Variants in PKN2 observed in about 807,000 individuals in gnomAD.
PKN2 encodes the protein serine/threonine-protein kinase N2.
Under a neutral mutation model 119.1 loss-of-function variants are expected in PKN2, and 38 were observed. The observed-to-expected ratio is 0.32, with a 90% confidence interval of 0.25 to 0.42. The LOEUF (loss-of-function observed/expected upper bound fraction) is 0.42. Among genes scored for constraint, PKN2 ranks in the 10% least tolerant of loss-of-function variants. PKN2 has a pLI of 1.00. For synonymous variants in PKN2, 390 were observed against 384.9 expected (o/e 1.01, Z -0.15); for missense variants, 850 against 1,165.1 (o/e 0.73, Z 3.94).
chr1:88,705,763 T>A (rs1398516443), intron 1 of PKN2, among the ~76,000 whole-genome samples: 1 of 152,098 alleles, frequency 6.6e-6, no homozygotes, highest in East Asian at 1.9e-4. Context: ...AGAAAATCAG[T>A]TGTTCATATA....
intron 2 of PKN2, among the ~76,000 whole-genome samples, chr1:88,751,433 T>A (rs569889191): frequency 1.3e-5 from 2 of 152,070 alleles, no homozygotes; most frequent in South Asian, 4.1e-4. Flanking sequence ...GAAGAGGAAT[T>A]CTGCCACTTG....
At position 88,808,996 on chromosome 1, in the gene PKN2, A is replaced by G. The variant is rs1017907260; in HGVS notation, c.2102+1221A>G. 2.0e-5 allele frequency among the ~76,000 whole-genome samples: 3 copies of G among 152,200 alleles called. 1 individual carries two copies. Among genetic ancestry groups the G allele is most frequent in the African/African-American group, 4.8e-5 (2 of 41,434 alleles). ...ACTTGCCTTAATGAGTTGTCTTGCT[A>G]TGTAGATATGCCAAATTGCAACTTT... On this transcript the variant is annotated intron_variant, in intron 15 of 21. Transcript: ENST00000370521.
At chr1:88,724,884 T>TTTTTG (rs1667836702) in intron 1 of PKN2, among the ~76,000 whole-genome samples, 1 of 135,994 alleles carries the variant, frequency 7.4e-6, no homozygotes, top group African/African-American at 2.8e-5. Context: ...ACCCCTTGGT[T>TTTTTG]TTTTTTTTTT....
chr1:88,832,610 G>GTTT (rs756649461), intron 19 of PKN2, 134 bp from the exon 20 acceptor site: 17 of 419,626 alleles, frequency 4.1e-5, no homozygotes, highest in Non-Finnish European at 5.9e-5. Context: ...TGGGTTTATT[G>GTTT]TTGTTGTTGT....
intron 8 of PKN2, among the ~76,000 whole-genome samples, chr1:88,794,227 C>T (rs1368462580): frequency 6.6e-6 from 1 of 152,084 alleles, no homozygotes; most frequent in East Asian, 1.9e-4. Context: ...ATTAGCCAGG[C>T]ATGGTGGCAC....
intron 10 of PKN2, 72 bp downstream of exon 10, chr1:88,804,993 A>G (rs901027281): frequency 8.3e-6 from 6 of 721,260 alleles, no homozygotes; most frequent in African/African-American, 3.7e-5. Flanking sequence ...TTAAAAAGTA[A>G]TAGCCATCTG....
chr1:88,734,887 T>C (rs1668276614), intron 1 of PKN2, among the ~76,000 whole-genome samples: 1 of 152,222 alleles, frequency 6.6e-6, no homozygotes, highest in South Asian at 2.1e-4. Flanking sequence ...CAAACTCTAC[T>C]TTTAACTCCA....
chr1:88,781,112 T>C (rs1670322959), intron 6 of PKN2: 3 of 1,256,446 alleles, frequency 2.4e-6, no homozygotes, highest in Middle Eastern at 2.2e-4. Flanking sequence ...GAAATACTAC[T>C]GACATTAATA....
At chr1:88,705,069 A>G (rs1467618712) in intron 1 of PKN2, among the ~76,000 whole-genome samples, 1 of 151,082 alleles carries the variant, frequency 6.6e-6, no homozygotes, top group African/African-American at 2.4e-5. Context: ...TGAATTTAAT[A>G]CCTTTATCAG....
At chr1:88,774,918 A>T (rs1203906517) in intron 6 of PKN2, among the ~76,000 whole-genome samples, 1 of 152,148 alleles carries the variant, frequency 6.6e-6, no homozygotes, top group Non-Finnish European at 1.5e-5. Flanking sequence ...TGTGTTGCTC[A>T]GGCTTGTCTC....
At chr1:88,714,145 CT>C (rs1461825491) in intron 1 of PKN2, among the ~76,000 whole-genome samples, 1 of 152,134 alleles carries the variant, frequency 6.6e-6, no homozygotes, top group African/African-American at 2.4e-5. Context: ...GTCTATATCT[CT>C]GTTTTGGTAC....
In PKN2 at chr1:88,751,670, A is replaced by G. The variant is rs575441011; in HGVS notation, c.350-8552A>G. ...CTTCAATTCCACAAATTAGATCTAA[A>G]CATTCTATACAGTCATTGTTGGTTT... On this transcript the variant is annotated intron_variant, in intron 2 of 21. Coordinates refer to ENST00000370521, the MANE Select transcript of PKN2 (RefSeq NM_006256.4). 3.3e-5 allele frequency among the ~76,000 whole-genome samples: 5 copies of G among 152,258 alleles called. No homozygotes were observed. The East Asian group carries it at 9.6e-4, about 29-fold the overall frequency.
At chr1:88,713,295 A>T (rs1381794967) in intron 1 of PKN2, among the ~76,000 whole-genome samples, 1 of 152,144 alleles carries the variant, frequency 6.6e-6, no homozygotes, top group East Asian at 1.9e-4. Flanking sequence ...TACCCAGTTA[A>T]TGGGATTGCT....
intron 1 of PKN2, among the ~76,000 whole-genome samples, chr1:88,731,650 G>C (rs1668146418): frequency 6.6e-6 from 1 of 152,150 alleles, no homozygotes; most frequent in African/African-American, 2.4e-5. Context: ...ATGAATCATT[G>C]TATCCAGTGA....
In PKN2 at chr1:88,832,753, C is replaced by T; in HGVS notation, c.2572C>T (p.Pro858Ser). The change falls in exon 20 of 22, where the codon CCT (proline) becomes TCT (serine). Residue 858 changes from proline (P) to serine (S), a missense_variant. Physicochemically the swap from Pro to Ser is moderately conservative, Grantham distance 74. Around this residue, in one of 9 missense-constraint regions of PKN2, gnomAD observed 95 missense variants for 150.2 expected, o/e 0.63. Transcript: ENST00000370521. The part of the protein sequence containing the change: ...YEMLVGESPF[P>S]GDDEEEVFDS... ...AAGGTATTTCTTCTAGTCTCCCTTT[C>T]CTGGTGATGATGAAGAGGAAGTTTT... 6.3e-7 allele frequency: 1 copy of T among 1,586,744 alleles called. No homozygotes were observed. Among genetic ancestry groups the T allele is most frequent in the Non-Finnish European group, 8.6e-7 (1 of 1,161,246 alleles).
chr1:88,799,077 T>C (rs1671207174), intron 8 of PKN2, among the ~76,000 whole-genome samples: 1 of 152,192 alleles, frequency 6.6e-6, no homozygotes. Flanking sequence ...AAGTATACAA[T>C]AGGTTTGGAA....
Position 88,740,981 on chromosome 1 carries a change from T to TG in PKN2, c.49-7_49-6insG. 2 of 1,540,734 alleles carry TG rather than the reference T, an allele frequency of 1.3e-6. No individual in the cohort carries two copies. Among genetic ancestry groups the TG allele is most frequent in the Non-Finnish European group, 1.7e-6 (2 of 1,149,994 alleles). ...CTCCCACATTTGTATGTTTATTTTT[T>TG]CTGTAGGGGGATTCCCGAAGTCTTC... On this transcript the variant is annotated splice_polypyrimidine_tract_variant and splice_region_variant and intron_variant, in intron 1 of 21. Coordinates refer to ENST00000370521, the MANE Select transcript of PKN2 (RefSeq NM_006256.4).
At chr1:88,817,520 A>G (rs1257599223) in intron 16 of PKN2, among the ~76,000 whole-genome samples, 3 of 152,024 alleles carry the variant, frequency 2.0e-5, no homozygotes, top group Non-Finnish European at 2.9e-5. Context: ...AGCCTGGCCA[A>G]CATGGTGAAA....
At chr1:88,779,463 CT>C (rs996741514) in intron 6 of PKN2, among the ~76,000 whole-genome samples, 1 of 150,672 alleles carries the variant, frequency 6.6e-6, no homozygotes. Flanking sequence ...AAGGAATATA[CT>C]TTATTCTGCA....
Sources: allele counts gnomAD v4.1 joint callset (sites outside exome capture counted in the v4.1 genomes callset), GRCh38; gene constraint gnomAD v4.1.1; regional missense constraint gnomAD v4.1.1; transcripts MANE v1.5; gene names NCBI Gene and HGNC (gene_info 2026-07-23, HGNC 2026-07-21).